PCDH15: variants seen among roughly 807,000 people sequenced by gnomAD.
The protein encoded by PCDH15 is protocadherin related 15, also known as protocadherin-15.
PCDH15 carries 129 observed loss-of-function variants against 178.5 expected under a neutral mutation model. The ratio of observed to expected loss-of-function variants is 0.72; its 90% CI spans 0.63 to 0.84. PCDH15 has a LOEUF of 0.84. Among genes scored for constraint, PCDH15 ranks in the 40% least tolerant of loss-of-function variants. PCDH15 has a pLI of 0.00. For synonymous variants in PCDH15, 800 were observed against 732.0 expected, an observed-to-expected ratio of 1.09 and a Z score of -1.50; for missense variants, 2,230 against 2,099.9, an observed-to-expected ratio of 1.06 and a Z score of -1.21.
chr10:53,969,938 G>GAAACTGC (rs1213217359), intron 21 of PCDH15, among the ~76,000 whole-genome samples: 81 of 152,174 alleles, frequency 5.3e-4, no homozygotes, highest in African/African-American at 1.9e-3. Context: ...ATGCTAGGAA[G>GAAACTGC]AAACTGCATC....
chr10:54,743,317 G>A (rs1945046714), intron 1 of PCDH15, among the ~76,000 whole-genome samples: 1 of 151,906 alleles, frequency 6.6e-6, no homozygotes, highest in Non-Finnish European at 1.5e-5. Flanking sequence ...TATGTTCTGG[G>A]TACATTAAGG....
intron 6 of PCDH15, among the ~76,000 whole-genome samples, chr10:54,345,006 T>G (rs1588944076): frequency 6.7e-6 from 1 of 149,026 alleles, no homozygotes. Flanking sequence ...TTTTCCAAAT[T>G]TATTAAAATT....
At chr10:55,517,505 T>C (rs1324538421) in intron 2 of PCDH15, among the ~76,000 whole-genome samples, 5 of 152,148 alleles carry the variant, frequency 3.3e-5, no homozygotes, top group African/African-American at 1.2e-4. Flanking sequence ...ACTAAAATTA[T>C]ACATTGGCAT....
At chr10:54,162,091 T>C (rs924066570) in intron 13 of PCDH15, among the ~76,000 whole-genome samples, 3 of 152,160 alleles carry the variant, frequency 2.0e-5, no homozygotes, top group African/African-American at 7.2e-5. Context: ...TCTGACCTTT[T>C]TAATGATATT....
chr10:53,915,458 T>A (rs1306307943), intron 25 of PCDH15, among the ~76,000 whole-genome samples: 1 of 152,236 alleles, frequency 6.6e-6, no homozygotes, highest in Non-Finnish European at 1.5e-5. Context: ...ATAATATTAA[T>A]TGCTTGTATC....
chr10:54,493,542 A>G (rs2079812751), intron 3 of PCDH15, among the ~76,000 whole-genome samples: 1 of 152,090 alleles, frequency 6.6e-6, no homozygotes, highest in Non-Finnish European at 1.5e-5. Flanking sequence ...GAACCACTCT[A>G]AAGAGAAAAC....
chr10:54,081,195 T>C (rs906625026), intron 16 of PCDH15, among the ~76,000 whole-genome samples: 1 of 152,138 alleles, frequency 6.6e-6, no homozygotes, highest in Non-Finnish European at 1.5e-5. Context: ...TATCTTGTTT[T>C]TGATTATTTC....
intron 2 of PCDH15, among the ~76,000 whole-genome samples, chr10:55,006,708 G>A (rs528150132): frequency 5.9e-5 from 9 of 152,314 alleles, no homozygotes; most frequent in African/African-American, 2.2e-4. Context: ...GGTCTTTGGA[G>A]CTCACCCTTA....
intron 3 of PCDH15, among the ~76,000 whole-genome samples, chr10:54,897,210 A>C (rs1954560528): frequency 6.6e-6 from 1 of 152,224 alleles, no homozygotes; most frequent in Non-Finnish European, 1.5e-5. Flanking sequence ...ATTCTGCTTC[A>C]AACAATTAAT....
intron 2 of PCDH15, among the ~76,000 whole-genome samples, chr10:55,546,610 G>C (rs1364098196): frequency 2.0e-5 from 3 of 152,130 alleles, no homozygotes; most frequent in Non-Finnish European, 2.9e-5. Flanking sequence ...GACGATCTGA[G>C]TATGTTATTG....
At chr10:53,889,873 C>T (rs2081430234) in intron 26 of PCDH15, among the ~76,000 whole-genome samples, 1 of 152,010 alleles carries the variant, frequency 6.6e-6, no homozygotes, top group Admixed American at 6.5e-5. Flanking sequence ...GAAAATGAAT[C>T]TAAACAAAAA....
chr10:54,551,817 A>G (rs1327209727), intron 2 of PCDH15, among the ~76,000 whole-genome samples: 1 of 152,088 alleles, frequency 6.6e-6, no homozygotes, highest in African/African-American at 2.4e-5. Flanking sequence ...ATAATATAGT[A>G]TAAATTTATT....
chr10:54,255,530 G>A (rs1357798279), intron 8 of PCDH15, among the ~76,000 whole-genome samples: 1 of 152,040 alleles, frequency 6.6e-6, no homozygotes, highest in Non-Finnish European at 1.5e-5. Context: ...GCTGCAAAAT[G>A]TCAGTTTAAA....
chr10:54,083,750 G>T (rs1432704595), intron 16 of PCDH15, among the ~76,000 whole-genome samples: 1 of 152,112 alleles, frequency 6.6e-6, no homozygotes, highest in Non-Finnish European at 1.5e-5. Flanking sequence ...ACACTGAATT[G>T]TTCACTTTAA....
chr10:54,460,866 A>T (rs1436575943), intron 3 of PCDH15, among the ~76,000 whole-genome samples: 1 of 152,146 alleles, frequency 6.6e-6, no homozygotes, highest in African/African-American at 2.4e-5. Flanking sequence ...TTAAATAGCC[A>T]ATGCTAATTA....
At position 55,149,143 on chromosome 10, in the gene PCDH15, T is replaced by A. The variant is rs1003038152; in HGVS notation, c.-80+17433A>T. Among the ~76,000 whole-genome samples the A allele has an allele frequency of 1.0e-4, 15 of 149,816 alleles. No homozygotes were observed. The East Asian group carries it at 2.3e-3, about 23-fold the overall frequency. On this transcript the variant is annotated intron_variant, in intron 2 of 5. Transcript: ENST00000458638. The stretch of plus-strand genomic sequence containing the variant: ...AATATTGCTTAAACACATTTCAATA[T>A]GTCTATCTAGTTTATAATAACTTAA...
At chr10:55,421,999 CT>C (rs1838633479) in intron 2 of PCDH15, among the ~76,000 whole-genome samples, 1 of 151,568 alleles carries the variant, frequency 6.6e-6, no homozygotes, top group South Asian at 2.1e-4. Flanking sequence ...ATAAAATTTC[CT>C]TTTAAAGTAT....
intron 2 of PCDH15, among the ~76,000 whole-genome samples, chr10:54,619,705 T>G (rs2093294537): frequency 6.6e-6 from 1 of 152,044 alleles, no homozygotes; most frequent in African/African-American, 2.4e-5. Context: ...ATACTCCACT[T>G]CTAACAAAAT....
intron 2 of PCDH15, among the ~76,000 whole-genome samples, chr10:55,418,360 A>G (rs1170840251): frequency 6.6e-6 from 1 of 151,744 alleles, no homozygotes; most frequent in Non-Finnish European, 1.5e-5. Context: ...CAGGGCACTG[A>G]TACTCTCATT....
Sources: gnomAD v4.1 joint callset for allele counts (sites outside exome capture counted in the v4.1 genomes callset) on GRCh38, gnomAD v4.1.1 for gene constraint, MANE v1.5 for transcripts, NCBI Gene and HGNC (gene_info 2026-07-23, HGNC 2026-07-21) for gene names.